The following TYW1 variants were observed in gnomAD, a reference collection of about 807,000 sequenced individuals.
The protein encoded by TYW1 is S-adenosyl-L-methionine-dependent tRNA 4-demethylwyosine synthase TYW1.
A neutral mutation model predicts 96.2 loss-of-function variants in TYW1; 46 were observed. That is an observed-to-expected ratio of 0.48 (90% CI 0.38 to 0.61). The LOEUF is 0.61. Ranked by LOEUF, TYW1 falls within the 20% of genes least tolerant of loss-of-function variation. The pLI, the probability that TYW1 is intolerant of heterozygous loss-of-function variation, is 0.00. For missense variants in TYW1, 684 were observed against 909.6 expected, an observed-to-expected ratio of 0.75 and a Z score of 3.19; for synonymous variants, 274 against 323.0, an observed-to-expected ratio of 0.85 and a Z score of 1.63.
intron 7 of TYW1, among the ~76,000 whole-genome samples, chr7:67,031,192 C>CA (rs60531853): frequency 0.012 from 1,272 of 107,794 alleles, 16 homozygotes; most frequent in Middle Eastern, 0.042. Flanking sequence ...GACTCCATCT[C>CA]AAAAAAAAAA....
intron 9 of TYW1, among the ~76,000 whole-genome samples, chr7:67,066,687 A>C (rs916336453): frequency 6.6e-6 from 1 of 152,132 alleles, no homozygotes; most frequent in Non-Finnish European, 1.5e-5. Flanking sequence ...CATCTCTACA[A>C]AAAATTAAAA....
At chr7:67,048,090 A>G (rs144124061) in intron 7 of TYW1, among the ~76,000 whole-genome samples, 1 of 136 alleles carries the variant, frequency 7.4e-3, no homozygotes, top group Non-Finnish European at 0.014. Context: ...GCCCAGCCAC[A>G]TATGGGGGAC....
At chr7:67,083,833 G>C (rs1280139438) in intron 11 of TYW1, among the ~76,000 whole-genome samples, 1 of 152,150 alleles carries the variant, frequency 6.6e-6, no homozygotes, top group African/African-American at 2.4e-5. Context: ...TCAGGAGTTC[G>C]AGATGAGCCT....
chr7:67,200,134 C>T (rs1227913446), intron 15 of TYW1, among the ~76,000 whole-genome samples: 1 of 152,154 alleles, frequency 6.6e-6, no homozygotes, highest in East Asian at 1.9e-4. Context: ...CCAGACATGG[C>T]ACCAAGTGTG....
intron 6 of TYW1, among the ~76,000 whole-genome samples, chr7:67,022,759 T>G (rs1794316789): frequency 6.6e-6 from 1 of 152,162 alleles, no homozygotes; most frequent in Non-Finnish European, 1.5e-5. Context: ...AAAGAACACA[T>G]TCATACACTT....
chr7:67,230,480 G>T (rs1801717650), intron 15 of TYW1, among the ~76,000 whole-genome samples: 1 of 151,926 alleles, frequency 6.6e-6, no homozygotes, highest in Non-Finnish European at 1.5e-5. Context: ...AAAAGCAGCA[G>T]TTCCTTGTAC....
chr7:67,188,765 G>A (rs1027885678), intron 14 of TYW1, among the ~76,000 whole-genome samples: 46 of 152,124 alleles, frequency 3.0e-4, no homozygotes, highest in South Asian at 2.1e-3. Context: ...GTACCTCAAG[G>A]TCATATAAAT....
intron 15 of TYW1, among the ~76,000 whole-genome samples, chr7:67,227,263 A>T (rs1801591334): frequency 7.3e-6 from 1 of 136,740 alleles, no homozygotes; most frequent in African/African-American, 2.9e-5. Flanking sequence ...TATTATTATT[A>T]TTATTTTTTT....
intron 13 of TYW1, among the ~76,000 whole-genome samples, chr7:67,119,455 G>A (rs1797696842): frequency 6.6e-6 from 1 of 152,010 alleles, no homozygotes. Flanking sequence ...CCCTGCTTAC[G>A]TTACCATTTC....
intron 13 of TYW1, among the ~76,000 whole-genome samples, chr7:67,138,570 A>C (rs186379251): frequency 0.015 from 2,237 of 152,134 alleles, 53 homozygotes; most frequent in African/African-American, 0.051. Flanking sequence ...ACTAGGTCTT[A>C]TTCATTTTTT....
chr7:67,025,366 TAA>T (rs3980716), intron 7 of TYW1, among the ~76,000 whole-genome samples: 1 of 148,770 alleles, frequency 6.7e-6, no homozygotes. Context: ...GCTGATGAGC[TAA>T]AAAAAAAAAA....
chr7:67,228,588 C>T (rs969659752), intron 15 of TYW1, among the ~76,000 whole-genome samples: 11 of 152,150 alleles, frequency 7.2e-5, no homozygotes, highest in African/African-American at 1.9e-4. Flanking sequence ...TATAGTGTTA[C>T]GTGGAGGAAT....
intron 15 of TYW1, among the ~76,000 whole-genome samples, chr7:67,231,986 T>A (rs528989222): frequency 1.3e-5 from 2 of 152,292 alleles, no homozygotes; most frequent in African/African-American, 4.8e-5. Context: ...TCCCAGCACT[T>A]TGGGAGGCCT....
At chr7:67,179,163 T>C (rs933464862) in intron 13 of TYW1, among the ~76,000 whole-genome samples, 1 of 135,830 alleles carries the variant, frequency 7.4e-6, no homozygotes, top group Non-Finnish European at 1.6e-5. Context: ...ACATGCAAAT[T>C]AAGGGGCAGG....
chr7:67,098,480 C>T lies in TYW1; in HGVS notation c.1385-61C>T, dbSNP rs1796986480. On this transcript the variant is annotated intron_variant, in intron 11 of 15. Coordinates refer to ENST00000359626, the MANE Select transcript of TYW1 (RefSeq NM_018264.4). ...AAAATCAAAGCATCATTAAGAAAAA[C>T]GTAAGTGACATCCTCTATCTGTGCC... is the stretch of plus-strand genomic sequence containing the variant. 9 of 1,471,320 alleles carry T rather than the reference C, an allele frequency of 6.1e-6. No individual in the cohort carries two copies. The South Asian group carries it at 1.2e-4, about 20-fold the overall frequency. The allele number at this position is 1,471,320 out of a possible 1,614,324, so 91.1% of individuals were successfully genotyped here.
intron 10 of TYW1, among the ~76,000 whole-genome samples, chr7:67,080,799 T>C (rs1796360760): frequency 6.6e-6 from 1 of 152,144 alleles, no homozygotes; most frequent in South Asian, 2.1e-4. Flanking sequence ...AGGCAACACA[T>C]AGTTGGGTGT....
At chr7:67,203,434 G>T (rs960249165) in intron 15 of TYW1, among the ~76,000 whole-genome samples, 1 of 152,104 alleles carries the variant, frequency 6.6e-6, no homozygotes, top group Non-Finnish European at 1.5e-5. Context: ...TGTTGAGTGC[G>T]TCTCTTCGTA....
At chr7:67,211,394 CTTA>C (rs566477066) in intron 15 of TYW1, among the ~76,000 whole-genome samples, 385 of 152,254 alleles carry the variant, frequency 2.5e-3, no homozygotes, top group African/African-American at 8.7e-3. Flanking sequence ...GTGTTTTTGA[CTTA>C]TTATGGGTTT....
At chr7:67,113,645 C>CT (rs66807566) in intron 12 of TYW1, among the ~76,000 whole-genome samples, 125 of 143,310 alleles carry the variant, frequency 8.7e-4, no homozygotes, top group Middle Eastern at 3.6e-3. Flanking sequence ...CTTTTTCTTT[C>CT]TTTTTTTTTT....
Sources: allele counts gnomAD v4.1 joint callset (sites outside exome capture counted in the v4.1 genomes callset), GRCh38; gene constraint gnomAD v4.1.1; transcripts MANE v1.5; gene names NCBI Gene and HGNC (gene_info 2026-07-23, HGNC 2026-07-21).